The following TBC1D22A variants were observed in gnomAD, a reference collection of about 807,000 sequenced individuals.
The protein encoded by TBC1D22A is TBC1 domain family member 22A, also known as putative GTPase activator.
TBC1D22A carries 38 observed loss-of-function variants against 60.2 expected under a neutral mutation model. The ratio of observed to expected loss-of-function variants is 0.63; its 90% CI spans 0.49 to 0.83. The LOEUF (loss-of-function observed/expected upper bound fraction) is 0.83. Among genes scored for constraint, TBC1D22A ranks in the 40% least tolerant of loss-of-function variants. TBC1D22A has a pLI of 0.00. For missense variants in TBC1D22A, 628 were observed against 701.0 expected, an observed-to-expected ratio of 0.90 and a Z score of 1.18; for synonymous variants, 302 against 281.7, an observed-to-expected ratio of 1.07 and a Z score of -0.72.
intron 11 of TBC1D22A, among the ~76,000 whole-genome samples, chr22:47,104,745 C>G (rs1408417655): frequency 7.3e-5 from 11 of 151,658 alleles, no homozygotes; most frequent in African/African-American, 1.9e-4. Flanking sequence ...TCTATTGTCT[C>G]TAAGAGCAGC....
intron 7 of TBC1D22A, among the ~76,000 whole-genome samples, chr22:46,896,641 A>G (rs16995849): frequency 0.11 from 17,371 of 152,070 alleles, 1,646 homozygotes; most frequent in African/African-American, 0.27. Context: ...TGCCACATTC[A>G]TATAGATCTG....
chr22:47,023,415 A>C (rs2062152293), intron 10 of TBC1D22A, among the ~76,000 whole-genome samples: 2 of 152,250 alleles, frequency 1.3e-5, no homozygotes, highest in African/African-American at 4.8e-5. Context: ...AAAGGGAGGA[A>C]ACAGAAAAAA....
intron 11 of TBC1D22A, among the ~76,000 whole-genome samples, chr22:47,103,933 A>T (rs951009302): frequency 1.1e-4 from 16 of 152,206 alleles, no homozygotes; most frequent in African/African-American, 3.9e-4. Context: ...AGAAATTCAA[A>T]ATATTTTACC....
intron 4 of TBC1D22A, among the ~76,000 whole-genome samples, chr22:46,829,100 C>T (rs531292592): frequency 7.5e-4 from 114 of 152,330 alleles, no homozygotes; most frequent in African/African-American, 1.9e-3. Context: ...TTCCCTGCTT[C>T]GCTTCTGTGC....
At chr22:46,787,539 A>G (rs1329685128) in intron 1 of TBC1D22A, among the ~76,000 whole-genome samples, 2 of 152,342 alleles carry the variant, frequency 1.3e-5, no homozygotes, top group African/African-American at 4.8e-5. Context: ...AACCCCACAG[A>G]ACAAAACTGG....
rs1981889942 is a variant in TBC1D22A at position 46,982,830 on chromosome 22, G to A, written c.1125+8431G>A. Among the ~76,000 whole-genome samples, 3 of 152,192 alleles carry A rather than the reference G, an allele frequency of 2.0e-5. No homozygotes were observed. In the South Asian group the frequency reaches 6.2e-4, roughly 32 times the overall value. ...AGCACTGAGGGCAGCTGTAGACCTT[G>A]TTGGCCATGCAGAGCAAGTGCCCAG... On this transcript the variant is annotated intron_variant, in intron 9 of 12. Transcript: ENST00000337137.
At chr22:46,813,714 T>C (rs548754206) in intron 4 of TBC1D22A, among the ~76,000 whole-genome samples, 18 of 152,190 alleles carry the variant, frequency 1.2e-4, no homozygotes, top group Non-Finnish European at 2.5e-4. Flanking sequence ...TAATGAATTC[T>C]GCTGGGGATT....
intron 8 of TBC1D22A, among the ~76,000 whole-genome samples, chr22:46,922,361 G>A (rs2070808278): frequency 6.6e-6 from 1 of 152,170 alleles, no homozygotes; most frequent in Non-Finnish European, 1.5e-5. Flanking sequence ...ATATTGTAAT[G>A]CCTCCAGCTT....
chr22:47,000,054 T>G (rs1787742395), intron 10 of TBC1D22A, among the ~76,000 whole-genome samples: 1 of 152,192 alleles, frequency 6.6e-6, no homozygotes, highest in African/African-American at 2.4e-5. Flanking sequence ...CTCCCTCTTT[T>G]CTGCGTTTTA....
chr22:46,854,387 G>A (rs574006069), intron 4 of TBC1D22A, among the ~76,000 whole-genome samples: 23 of 151,904 alleles, frequency 1.5e-4, no homozygotes, highest in African/African-American at 2.9e-4. Context: ...TCCCCTTCCC[G>A]TTCCCTGCTC....
intron 3 of TBC1D22A, among the ~76,000 whole-genome samples, chr22:46,796,692 C>T (rs2146928039): frequency 8.0e-6 from 1 of 124,434 alleles, no homozygotes; most frequent in African/African-American, 3.0e-5. Flanking sequence ...CCCCCTGGGC[C>T]TGTCCGTCTT....
At chr22:47,095,723 A>C (rs1350246863) in intron 11 of TBC1D22A, among the ~76,000 whole-genome samples, 1 of 152,218 alleles carries the variant, frequency 6.6e-6, no homozygotes, top group African/African-American at 2.4e-5. Context: ...GCCCCTGAGG[A>C]AACTCATGGC....
chr22:47,103,161 G>T (rs1460542069), intron 11 of TBC1D22A, among the ~76,000 whole-genome samples: 1 of 152,184 alleles, frequency 6.6e-6, no homozygotes, highest in Non-Finnish European at 1.5e-5. Context: ...CAAGGTGGTG[G>T]ATTTGGGGGT....
chr22:46,919,730 TC>T (rs2070622569), intron 8 of TBC1D22A, among the ~76,000 whole-genome samples: 1 of 87,944 alleles, frequency 1.1e-5, no homozygotes, highest in Non-Finnish European at 2.1e-5. Context: ...CATCTTTCAC[TC>T]TTTTTTTTTT....
intron 9 of TBC1D22A, among the ~76,000 whole-genome samples, chr22:46,986,852 C>T (rs2074743501): frequency 6.6e-6 from 1 of 152,176 alleles, no homozygotes; most frequent in Non-Finnish European, 1.5e-5. Context: ...GGATCTCTGT[C>T]AGGGCATGGT....
chr22:46,904,510 C>T (rs1404352771), intron 7 of TBC1D22A, among the ~76,000 whole-genome samples: 4 of 149,138 alleles, frequency 2.7e-5, no homozygotes, highest in African/African-American at 1.0e-4. Context: ...GCTTTGTTGT[C>T]CAGGCTGGAG....
At chr22:46,986,502 G>C (rs1008923023) in intron 9 of TBC1D22A, among the ~76,000 whole-genome samples, 2 of 151,510 alleles carry the variant, frequency 1.3e-5, no homozygotes, top group Non-Finnish European at 2.9e-5. Flanking sequence ...CTTCTTACCC[G>C]TGAGCGTAGT....
intron 11 of TBC1D22A, among the ~76,000 whole-genome samples, chr22:47,044,106 C>G (rs2062952235): frequency 6.6e-6 from 1 of 152,194 alleles, no homozygotes; most frequent in African/African-American, 2.4e-5. Flanking sequence ...TTTGGCCCAC[C>G]CACATTCCAT....
chr22:46,983,534 C>T (rs2074596820), intron 9 of TBC1D22A, among the ~76,000 whole-genome samples: 1 of 152,000 alleles, frequency 6.6e-6, no homozygotes, highest in South Asian at 2.1e-4. Context: ...GTCTTGTTCT[C>T]TGGGTGATGT....
Sources: gnomAD v4.1 joint callset for allele counts (sites outside exome capture counted in the v4.1 genomes callset) on GRCh38, gnomAD v4.1.1 for gene constraint, MANE v1.5 for transcripts, NCBI Gene and HGNC (gene_info 2026-07-23, HGNC 2026-07-21) for gene names.